The following PTGER3 variants were observed in gnomAD, a reference collection of about 807,000 sequenced individuals.
PTGER3 encodes prostaglandin E receptor 3.
PTGER3 carries 22 observed loss-of-function variants against 34.7 expected under a neutral mutation model. That is an observed-to-expected ratio of 0.63 (90% CI 0.45 to 0.91). The LOEUF is 0.91. Ranked by LOEUF, PTGER3 falls within the 40% of genes least tolerant of loss-of-function variation. PTGER3 has a pLI of 0.00. For missense variants in PTGER3, 468 were observed against 519.4 expected (o/e 0.90, Z 0.96); for synonymous variants, 241 against 230.1 (o/e 1.05, Z -0.43).
At position 70,863,703 on chromosome 1, in the gene PTGER3, T is replaced by TG. The variant is rs1244912566; in HGVS notation, c.*24-10845_*24-10844insC. Among the ~76,000 whole-genome samples the TG allele has an allele frequency of 9.2e-5, 14 of 152,162 alleles. No individual in the cohort carries two copies. The East Asian group carries it at 2.7e-3, about 29-fold the overall frequency. On this transcript the variant is annotated intron_variant, in intron 4 of 4. Coordinates refer to the PTGER3 transcript ENST00000370931. ...TATATAGCAAATGGATTTTTTTTTT[T>TG]TGTGAAACAAGCATGGATAGGAACA...
intron 4 of PTGER3, among the ~76,000 whole-genome samples, chr1:70,910,035 C>CTT (rs1372676097): frequency 6.6e-6 from 1 of 152,170 alleles, no homozygotes; most frequent in Non-Finnish European, 1.5e-5. Context: ...TAATACATTG[C>CTT]TTGGGATTAG....
At chr1:71,040,663 G>T (rs1016629041) in intron 1 of PTGER3, among the ~76,000 whole-genome samples, 1 of 152,066 alleles carries the variant, frequency 6.6e-6, no homozygotes, top group South Asian at 2.1e-4. Context: ...ACCTTATGTG[G>T]CAAGCAATTA....
At chr1:70,989,387 T>G (rs1655224305) in intron 2 of PTGER3, among the ~76,000 whole-genome samples, 1 of 152,212 alleles carries the variant, frequency 6.6e-6, no homozygotes, top group Non-Finnish European at 1.5e-5. Context: ...GGAGAAGCAC[T>G]CTGTTTTCAG....
chr1:70,861,345 C>A (rs1022972832), intron 4 of PTGER3, among the ~76,000 whole-genome samples: 2 of 152,172 alleles, frequency 1.3e-5, no homozygotes, highest in Admixed American at 1.3e-4. Context: ...TTCTAACTTT[C>A]TAGTGTTAGC....
intron 4 of PTGER3, chr1:70,852,901 G>C: frequency 6.3e-7 from 1 of 1,590,688 alleles, no homozygotes; most frequent in Non-Finnish European, 8.6e-7. Flanking sequence ...AATAATAAAT[G>C]CACTGTTAAT....
At chr1:70,926,682 T>A (rs1436763628) in intron 4 of PTGER3, among the ~76,000 whole-genome samples, 1 of 151,972 alleles carries the variant, frequency 6.6e-6, no homozygotes, top group Non-Finnish European at 1.5e-5. Context: ...TTCCTTCTCC[T>A]GACTAATTGT....
intron 4 of PTGER3, among the ~76,000 whole-genome samples, chr1:70,892,608 A>T (rs941141167): frequency 3.9e-5 from 6 of 152,096 alleles, no homozygotes; most frequent in African/African-American, 1.2e-4. Context: ...TGGGAGGCTG[A>T]GGTGGGTGGA....
At chr1:70,943,934 C>A (rs893867111) in intron 4 of PTGER3, among the ~76,000 whole-genome samples, 2 of 151,936 alleles carry the variant, frequency 1.3e-5, no homozygotes, top group African/African-American at 4.8e-5. Context: ...AGGCCTATGG[C>A]ACTCCTTGCT....
intron 1 of PTGER3, among the ~76,000 whole-genome samples, chr1:71,033,000 G>C (rs1659537554): frequency 6.6e-6 from 1 of 152,132 alleles, no homozygotes; most frequent in Non-Finnish European, 1.5e-5. Context: ...GCAAATTTTG[G>C]TAACTTCTGT....
At chr1:71,019,459 C>T (rs1658207156) in intron 1 of PTGER3, among the ~76,000 whole-genome samples, 2 of 152,172 alleles carry the variant, frequency 1.3e-5, no homozygotes, top group Non-Finnish European at 2.9e-5. Context: ...CCTTGGTTAT[C>T]AGCAGTAATA....
intron 2 of PTGER3, among the ~76,000 whole-genome samples, chr1:70,958,347 C>A (rs886835663): frequency 8.5e-5 from 13 of 152,066 alleles, no homozygotes; most frequent in Admixed American, 5.9e-4. Context: ...CCTTTGCCAG[C>A]ATGTTTGTCT....
intron 4 of PTGER3, among the ~76,000 whole-genome samples, chr1:70,922,378 A>G (rs1461427239): frequency 6.6e-6 from 1 of 152,128 alleles, no homozygotes; most frequent in Non-Finnish European, 1.5e-5. Context: ...AAATTTATGA[A>G]AACGAATTTA....
intron 2 of PTGER3, among the ~76,000 whole-genome samples, chr1:70,965,567 T>G (rs1652430729): frequency 6.6e-6 from 1 of 152,190 alleles, no homozygotes; most frequent in South Asian, 2.1e-4. Flanking sequence ...ATTACTATCT[T>G]TTCCCCATTC....
At chr1:71,021,372 A>G (rs9425052) in intron 1 of PTGER3, among the ~76,000 whole-genome samples, 39,586 of 152,018 alleles carry the variant, frequency 0.26, 5,483 homozygotes, top group African/African-American at 0.34. Context: ...TTATCTTTCT[A>G]TTAGAACAGT....
chr1:70,893,920 A>G (rs1413242728), intron 4 of PTGER3, among the ~76,000 whole-genome samples: 1 of 152,180 alleles, frequency 6.6e-6, no homozygotes, highest in East Asian at 1.9e-4. Context: ...TAAAATAAAA[A>G]ATTTAATCTA....
chr1:70,888,142 T>C (rs78722491), intron 4 of PTGER3, among the ~76,000 whole-genome samples: 7,406 of 152,222 alleles, frequency 0.049, 426 homozygotes, highest in East Asian at 0.22. Flanking sequence ...GAGAACAGAC[T>C]CAAAAAGCCC....
At chr1:71,008,266 T>A (rs898112949) in intron 2 of PTGER3, 9 of 912,046 alleles carry the variant, frequency 9.9e-6, no homozygotes, top group Non-Finnish European at 1.0e-5. Flanking sequence ...GAAAATAAGA[T>A]AATTTTTATT....
intron 4 of PTGER3, among the ~76,000 whole-genome samples, chr1:70,854,503 C>T (rs1025824238): frequency 2.0e-5 from 3 of 152,062 alleles, no homozygotes; most frequent in Non-Finnish European, 4.4e-5. Context: ...AGAGGAGGGG[C>T]CTGGTGGGAG....
At chr1:70,955,844 A>T (rs969024575) in intron 2 of PTGER3, among the ~76,000 whole-genome samples, 1 of 152,182 alleles carries the variant, frequency 6.6e-6, no homozygotes, top group Non-Finnish European at 1.5e-5. Context: ...TAGGGTCACT[A>T]ATCCCATCAC....
Sources: gnomAD v4.1 joint callset for allele counts (sites outside exome capture counted in the v4.1 genomes callset) on GRCh38, gnomAD v4.1.1 for gene constraint, MANE v1.5 for transcripts, NCBI Gene and HGNC (gene_info 2026-07-23, HGNC 2026-07-21) for gene names.